The following PCID2 variants were observed in gnomAD, a reference collection of about 807,000 sequenced individuals.
PCID2 encodes the protein PCI domain containing 2, also known as PCI domain-containing protein 2.
In PCID2, 41 loss-of-function variants were observed where a neutral mutation model predicts 61.3. That is an observed-to-expected ratio of 0.67 (90% confidence interval 0.52 to 0.87). PCID2 has a LOEUF of 0.87. PCID2 is among the 40% of genes least tolerant of loss of function. PCID2 has a pLI of 0.00. For synonymous variants in PCID2, 187 were observed against 177.8 expected (o/e 1.05, Z -0.41); for missense variants, 392 against 493.4 (o/e 0.79, Z 1.95).
In PCID2 at chr13:113,179,173, C is replaced by A; in HGVS notation, c.987-84G>T. 7.8e-7 allele frequency: 1 copy of A among 1,289,962 alleles called. No homozygotes were observed. The highest frequency in any genetic ancestry group is 1.1e-6 in the Non-Finnish European group (1 of 930,370). The allele number at this position is 1,289,962 out of a possible 1,614,324, so 79.9% of individuals were successfully genotyped here. A position where few individuals can be genotyped will look rare whatever the true frequency, so the allele number is the denominator to read the frequency against. On this transcript the variant is annotated intron_variant, in intron 12 of 13. Coordinates refer to ENST00000337344, the MANE Select transcript of PCID2 (RefSeq NM_001127202.4). This position sits in a 1 kb window ranked among gnomAD's most constrained non-coding sequence, Gnocchi z 4.3. ...CAAGAAAAGGCACCTCTTAATAAGC[C>A]GGTGTTCTAAAGGAGTAAAAAAATT...
At chr13:113,175,964 A>C (rs753812822), downstream of PCID2, among the ~76,000 whole-genome samples, 79 of 152,228 alleles carry the variant, frequency 5.2e-4, 1 homozygote, top group Admixed American at 1.9e-3. Flanking sequence ...AATACACGGG[A>C]ATGAGTCACC....
At chr13:113,175,188 C>A (rs1180068033), downstream of PCID2, among the ~76,000 whole-genome samples, 1 of 152,168 alleles carries the variant, frequency 6.6e-6, no homozygotes, top group African/African-American at 2.4e-5. Flanking sequence ...CAGTCTCGGG[C>A]AGTTCTTTAT....
intron 8 of PCID2, among the ~76,000 whole-genome samples, 154 bp downstream of exon 8, chr13:113,185,331 G>A (rs1317884840): frequency 6.6e-6 from 1 of 152,210 alleles, no homozygotes. Context: ...GCACCTAGTA[G>A]GCATTCAACA....
intron 1 of PCID2, 144 bp downstream of exon 1, chr13:113,208,455 C>T (rs1459186376): frequency 9.8e-6 from 15 of 1,523,314 alleles, no homozygotes; most frequent in Non-Finnish European, 1.3e-5. Context: ...CTGTTCGGCT[C>T]GCGCGGCTGC....
At chr13:113,204,326 A>T (rs956561897) in intron 1 of PCID2, among the ~76,000 whole-genome samples, 1 of 152,234 alleles carries the variant, frequency 6.6e-6, no homozygotes, top group Non-Finnish European at 1.5e-5. Flanking sequence ...GAAAGCTGAG[A>T]GTCCCAGACT....
At chr13:113,183,779 A>C (rs1050401471) in intron 9 of PCID2, 1 of 984,706 alleles carries the variant, frequency 1.0e-6, no homozygotes, top group Non-Finnish European at 1.2e-6. Context: ...TGTTCTTGAG[A>C]AAGTTACCAA....
chr13:113,169,861 G>A, the PCID2 span, among the ~76,000 whole-genome samples: 2 of 152,164 alleles, frequency 1.3e-5, no homozygotes, highest in South Asian at 4.1e-4. Context: ...AAACTGCTAG[G>A]CATGTGGCCA....
At chr13:113,166,478 C>CAGCTCTTACAA in the PCID2 span, 1 of 152,066 alleles carries the variant, frequency 6.6e-6, no homozygotes, top group South Asian at 2.1e-4. Flanking sequence ...CAGTTTCACC[C>CAGCTCTTACAA]GACTCTTACA....
At chr13:113,201,294 A>G (rs1168519989) in intron 1 of PCID2, among the ~76,000 whole-genome samples, 2 of 152,182 alleles carry the variant, frequency 1.3e-5, no homozygotes, top group Non-Finnish European at 2.9e-5. Flanking sequence ...AAAAAAGTTA[A>G]CTGCAGGAAA....
chr13:113,183,141 T>C (rs368691173), intron 9 of PCID2, among the ~76,000 whole-genome samples: 3 of 152,266 alleles, frequency 2.0e-5, no homozygotes, highest in East Asian at 3.9e-4. Flanking sequence ...CGCTGGCTTT[T>C]TGGGGACACA....
intron 2 of PCID2, 79 bp from the exon 3 acceptor site, chr13:113,198,343 CCT>C: frequency 2.4e-6 from 2 of 846,298 alleles, no homozygotes; most frequent in Middle Eastern, 2.3e-4. Flanking sequence ...GAGATTTAAA[CCT>C]CTGTTTCAAG....
At chr13:113,204,658 T>A (rs2039672554) in intron 1 of PCID2, among the ~76,000 whole-genome samples, 1 of 152,180 alleles carries the variant, frequency 6.6e-6, no homozygotes, top group African/African-American at 2.4e-5. Context: ...GGGCCCCAGC[T>A]TGCTTGGCAG....
At chr13:113,166,994 G>T in the PCID2 span, among the ~76,000 whole-genome samples, 1 of 152,158 alleles carries the variant, frequency 6.6e-6, no homozygotes, top group African/African-American at 2.4e-5. Context: ...ACTTAGGCAG[G>T]CTACATACTA....
chr13:113,191,114 T>G (rs1466901211), intron 6 of PCID2, 139 bp from the exon 7 acceptor site: 1 of 485,144 alleles, frequency 2.1e-6, no homozygotes, highest in African/African-American at 2.0e-5. Flanking sequence ...CATCTCAGCC[T>G]CCTGAGGAGC....
At chr13:113,167,581 C>A in the PCID2 span, among the ~76,000 whole-genome samples, 5 of 152,308 alleles carry the variant, frequency 3.3e-5, 1 homozygote, top group African/African-American at 1.2e-4. Flanking sequence ...TTGATATAGA[C>A]ACTTTACTTT....
chr13:113,175,895 GGAGA>G (rs781542269), downstream of PCID2, among the ~76,000 whole-genome samples: 26 of 152,380 alleles, frequency 1.7e-4, no homozygotes, highest in Non-Finnish European at 2.9e-4. Context: ...CCCTACGTGT[GGAGA>G]GAAACAGGGG....
chr13:113,165,142 G>T, the PCID2 span: 1 of 1,602,718 alleles, frequency 6.2e-7, no homozygotes. Context: ...CTCTCCGCGT[G>T]CTTCAATTTA....
At chr13:113,201,438 C>T (rs1595262252) in intron 1 of PCID2, among the ~76,000 whole-genome samples, 1 of 152,042 alleles carries the variant, frequency 6.6e-6, no homozygotes, top group Non-Finnish European at 1.5e-5. Flanking sequence ...CTAGGAGACC[C>T]GGGAGCCTTT....
chr13:113,183,195 C>T (rs1375048346), intron 9 of PCID2, among the ~76,000 whole-genome samples: 1 of 152,148 alleles, frequency 6.6e-6, no homozygotes, highest in African/African-American at 2.4e-5. Context: ...CAATGGCTTC[C>T]TATTTCTTTT....
Sources: gnomAD v4.1 joint callset for allele counts (sites outside exome capture counted in the v4.1 genomes callset) on GRCh38, gnomAD v4.1.1 for gene constraint, Gnocchi (gnomAD v3.1) non-coding constraint, MANE v1.5 for transcripts, NCBI Gene and HGNC (gene_info 2026-07-23, HGNC 2026-07-21) for gene names.